Variants in NTM observed in about 807,000 individuals in gnomAD.
NTM encodes the protein IgLON family member 2.
In NTM, 13 loss-of-function variants were observed where a neutral mutation model predicts 42.1. The observed-to-expected ratio is 0.31, with a 90% CI of 0.20 to 0.49. The LOEUF (loss-of-function observed/expected upper bound fraction) is 0.49, where lower values mean the gene tolerates loss of function less well. Ranked by LOEUF, NTM falls within the 20% of genes least tolerant of loss-of-function variation. NTM has a pLI of 0.99. For missense variants in NTM, 373 were observed against 452.8 expected (o/e 0.82, Z 1.60); for synonymous variants, 187 against 179.2 (o/e 1.04, Z -0.35).
chr11:131,555,602 G>A (rs1209908968), intron 1 of NTM, among the ~76,000 whole-genome samples: 1 of 152,152 alleles, frequency 6.6e-6, no homozygotes, highest in East Asian at 1.9e-4. Flanking sequence ...GAGCAGTCTG[G>A]GAGCATTTTG....
chr11:132,072,706 G>A (rs1024227161), intron 2 of NTM, among the ~76,000 whole-genome samples: 3 of 152,092 alleles, frequency 2.0e-5, no homozygotes, highest in African/African-American at 7.2e-5. Flanking sequence ...AAGACAGGAG[G>A]CCCAGTTCAG....
chr11:131,826,042 G>C (rs1259438012), intron 1 of NTM, among the ~76,000 whole-genome samples: 1 of 152,172 alleles, frequency 6.6e-6, no homozygotes, highest in Non-Finnish European at 1.5e-5. Context: ...GTAGTATAAA[G>C]TGGAGAGAGC....
At chr11:131,627,170 T>G (rs2063188621) in intron 1 of NTM, among the ~76,000 whole-genome samples, 1 of 152,314 alleles carries the variant, frequency 6.6e-6, no homozygotes, top group South Asian at 2.1e-4. Context: ...CAGGTGTTTC[T>G]TCTTGGTTGG....
intron 1 of NTM, among the ~76,000 whole-genome samples, chr11:131,721,125 T>C (rs1419874582): frequency 1.4e-5 from 2 of 143,766 alleles, no homozygotes; most frequent in African/African-American, 2.6e-5. Context: ...ATATTATCTC[T>C]ACAAAAAAAA....
intron 1 of NTM, among the ~76,000 whole-genome samples, chr11:131,498,329 A>G (rs1188858073): frequency 6.6e-6 from 1 of 152,190 alleles, no homozygotes; most frequent in Non-Finnish European, 1.5e-5. Flanking sequence ...CACCTTCCAG[A>G]GTGGCTGGGA....
chr11:131,464,415 C>T (rs1481456523), intron 1 of NTM, among the ~76,000 whole-genome samples: 1 of 152,056 alleles, frequency 6.6e-6, no homozygotes, highest in Non-Finnish European at 1.5e-5. Flanking sequence ...ATGACTGAAC[C>T]GCTCTCTGGC....
intron 1 of NTM, among the ~76,000 whole-genome samples, chr11:131,499,614 G>A (rs1227521740): frequency 6.6e-6 from 1 of 152,012 alleles, no homozygotes; most frequent in Non-Finnish European, 1.5e-5. Context: ...CCTTCTTCTT[G>A]AGGAAAAAAG....
intron 2 of NTM, among the ~76,000 whole-genome samples, chr11:132,089,625 A>C (rs138907600): frequency 3.3e-4 from 50 of 152,368 alleles, no homozygotes; most frequent in African/African-American, 1.1e-3. Flanking sequence ...TTCGTCTTCA[A>C]CATTGTCTCC....
intron 1 of NTM, among the ~76,000 whole-genome samples, chr11:131,825,472 C>G (rs559489402): frequency 6.6e-6 from 1 of 152,068 alleles, no homozygotes; most frequent in African/African-American, 2.4e-5. Flanking sequence ...TTGGCTTCTT[C>G]GAGGACTGGT....
chr11:131,459,796 T>C (rs1339103861), intron 1 of NTM, among the ~76,000 whole-genome samples: 2 of 152,208 alleles, frequency 1.3e-5, no homozygotes, highest in South Asian at 2.1e-4. Flanking sequence ...TTAACCTATT[T>C]ATCAGCATAA....
rs149198703 is a variant in NTM, at chr11:131,388,569, T to C, written c.82+17681T>C. 1.1e-3 allele frequency among the ~76,000 whole-genome samples: 162 copies of C among 152,074 alleles called. 2 individuals carry two copies. The East Asian group carries it at 0.03, about 28-fold the overall frequency. Reference sequence around the variant, plus strand: ...AGAATCAGTGTCTAAAAGGTAGAAGTGGGTTTTAATGGCCTATTTATTTAC... The same window carrying C: ...AGAATCAGTGTCTAAAAGGTAGAAGCGGGTTTTAATGGCCTATTTATTTAC... On this transcript the variant is annotated intron_variant, in intron 1 of 8. Transcript: ENST00000683400.
chr11:131,465,290 C>T (rs1218110784), intron 1 of NTM, among the ~76,000 whole-genome samples: 3 of 152,186 alleles, frequency 2.0e-5, no homozygotes, highest in African/African-American at 7.2e-5. Flanking sequence ...TGCCTCCGTC[C>T]TCTAGGATGG....
chr11:132,150,644 T>C (rs1566307524), intron 3 of NTM, among the ~76,000 whole-genome samples: 1 of 151,922 alleles, frequency 6.6e-6, no homozygotes, highest in Non-Finnish European at 1.5e-5. Context: ...CTAGGTTAGC[T>C]TCAATTGTTT....
intron 1 of NTM, among the ~76,000 whole-genome samples, chr11:131,733,447 C>CTTCCTTCCTTCCTTCT: frequency 7.3e-6 from 1 of 136,176 alleles, no homozygotes; most frequent in South Asian, 2.4e-4. Context: ...ATGTCTTTTC[C>CTTCCTTCCTTCCTTCT]TTCCTTCCTT....
At chr11:131,784,271 A>G (rs1388606290) in intron 1 of NTM, among the ~76,000 whole-genome samples, 2 of 152,214 alleles carry the variant, frequency 1.3e-5, no homozygotes, top group African/African-American at 2.4e-5. Flanking sequence ...CATATGACCT[A>G]GTAATCTCTA....
intron 4 of NTM, among the ~76,000 whole-genome samples, chr11:132,234,779 T>C (rs2088434816): frequency 6.6e-6 from 1 of 152,216 alleles, no homozygotes; most frequent in South Asian, 2.1e-4. Context: ...CATCAAAAAA[T>C]TACTAGTTAT....
intron 1 of NTM, among the ~76,000 whole-genome samples, chr11:131,387,932 A>G (rs1312692402): frequency 6.6e-6 from 1 of 152,242 alleles, no homozygotes. Context: ...TGTGACATCT[A>G]GCATCATTAG....
intron 2 of NTM, among the ~76,000 whole-genome samples, chr11:132,107,087 G>T (rs1317853093): frequency 5.3e-5 from 8 of 152,018 alleles, no homozygotes; most frequent in Non-Finnish European, 1.0e-4. Context: ...ACATTTATTA[G>T]CCAGGCACTG....
At chr11:131,740,079 C>T (rs766821513) in intron 1 of NTM, among the ~76,000 whole-genome samples, 2 of 152,150 alleles carry the variant, frequency 1.3e-5, no homozygotes, top group Admixed American at 6.5e-5. Flanking sequence ...CTTTGGTCAC[C>T]GACTCTCAGT....
Sources: gnomAD v4.1 joint callset for allele counts (sites outside exome capture counted in the v4.1 genomes callset) on GRCh38, gnomAD v4.1.1 for gene constraint, MANE v1.5 for transcripts, NCBI Gene and HGNC (gene_info 2026-07-23, HGNC 2026-07-21) for gene names.